Variants in SMARCC1 observed in about 807,000 individuals in gnomAD.
The protein encoded by SMARCC1 is SWI/SNF related BAF chromatin remodeling complex subunit C1.
A neutral mutation model predicts 147.4 loss-of-function variants in SMARCC1; 43 were observed. The observed-to-expected ratio is 0.29, with a 90% CI of 0.23 to 0.38. The LOEUF (loss-of-function observed/expected upper bound fraction) is 0.38, where lower values mean the gene tolerates loss of function less well. SMARCC1 is among the 10% of genes least tolerant of loss of function. The pLI is 1.00. For missense variants in SMARCC1, 1,119 were observed against 1,381.1 expected, an observed-to-expected ratio of 0.81 and a Z score of 3.01; for synonymous variants, 495 against 484.4, an observed-to-expected ratio of 1.02 and a Z score of -0.29.
At chr3:47,748,101 G>GATC (rs771250581) in intron 2 of SMARCC1, among the ~76,000 whole-genome samples, 1 of 152,028 alleles carries the variant, frequency 6.6e-6, no homozygotes, top group South Asian at 2.1e-4. Context: ...AGGTTGCCAA[G>GATC]ATCACACCAC....
intron 19 of SMARCC1, among the ~76,000 whole-genome samples, chr3:47,665,920 A>C (rs957911887): frequency 1.3e-5 from 2 of 151,896 alleles, no homozygotes; most frequent in Non-Finnish European, 2.9e-5. Context: ...CCTGGCCTCA[A>C]GCAATCCTTC....
At chr3:47,610,477 A>G in intron 25 of SMARCC1, 150 bp from the exon 26 acceptor site, 1 of 762,388 alleles carries the variant, frequency 1.3e-6, no homozygotes, top group East Asian at 2.5e-5. Flanking sequence ...CAGTGAGAAC[A>G]AAGGCATTAT....
intron 6 of SMARCC1, among the ~76,000 whole-genome samples, chr3:47,728,515 T>C (rs1047622177): frequency 6.6e-6 from 1 of 152,218 alleles, no homozygotes; most frequent in African/African-American, 2.4e-5. Flanking sequence ...TTCTAATTTC[T>C]TGAGAAAGAT....
rs2032697268 is a variant in SMARCC1, at chr3:47,619,530, A to AGGGC, written c.2781+2673_2781+2676dup. Among the ~76,000 whole-genome samples the AGGGC allele has an allele frequency of 2.0e-5, 3 of 152,350 alleles. No individual in the cohort carries two copies. In the South Asian group the frequency reaches 6.2e-4, roughly 32 times the overall value. ...AGGAGGTAGGCAAAAAGTGGGGCAA[A>AGGGC]GGGCCTTCTTGGCCAGAGAAGCAGG... On this transcript the variant is annotated intron_variant, in intron 25 of 27. Coordinates refer to ENST00000254480, the MANE Select transcript of SMARCC1 (RefSeq NM_003074.4).
chr3:47,669,074 A>T (rs182764843), intron 19 of SMARCC1, among the ~76,000 whole-genome samples: 13 of 152,328 alleles, frequency 8.5e-5, no homozygotes, highest in Admixed American at 7.2e-4. Flanking sequence ...GTTAGTGGTA[A>T]ACACTGATGT....
chr3:47,681,962 C>T (rs1217999706), intron 14 of SMARCC1, among the ~76,000 whole-genome samples: 2 of 152,108 alleles, frequency 1.3e-5, no homozygotes, highest in Admixed American at 1.3e-4. Flanking sequence ...CAAAGATGAT[C>T]AGGCAAATGA....
At chr3:47,688,784 T>A (rs1208747409) in intron 13 of SMARCC1, among the ~76,000 whole-genome samples, 1 of 152,050 alleles carries the variant, frequency 6.6e-6, no homozygotes, top group Non-Finnish European at 1.5e-5. Flanking sequence ...TCGGATAACA[T>A]CTGAAATACT....
intron 21 of SMARCC1, among the ~76,000 whole-genome samples, chr3:47,643,499 C>G (rs1392392312): frequency 6.6e-6 from 1 of 151,256 alleles, no homozygotes; most frequent in East Asian, 1.9e-4. Flanking sequence ...ATGAATAAAT[C>G]TTAAAAACAT....
At chr3:47,696,545 A>G (rs2033855140) in intron 11 of SMARCC1, among the ~76,000 whole-genome samples, 1 of 150,440 alleles carries the variant, frequency 6.6e-6, no homozygotes, top group Non-Finnish European at 1.5e-5. Context: ...TTTGAAACAG[A>G]GCTTCACTCA....
chr3:47,650,095 T>A (rs913761019), intron 21 of SMARCC1, among the ~76,000 whole-genome samples: 2 of 151,388 alleles, frequency 1.3e-5, no homozygotes, highest in Non-Finnish European at 2.9e-5. Context: ...GCTAACACGG[T>A]GAAGCCCTGT....
intron 19 of SMARCC1, among the ~76,000 whole-genome samples, chr3:47,669,885 G>A (rs918258843): frequency 1.3e-5 from 2 of 152,162 alleles, no homozygotes; most frequent in Non-Finnish European, 2.9e-5. Flanking sequence ...GAACCCAGAG[G>A]GCACCAGGCT....
chr3:47,659,376 A>G (rs1238389775), intron 21 of SMARCC1, among the ~76,000 whole-genome samples: 1 of 151,982 alleles, frequency 6.6e-6, no homozygotes, highest in Non-Finnish European at 1.5e-5. Context: ...TATCATAGGA[A>G]AAGAAAACTA....
intron 24 of SMARCC1, among the ~76,000 whole-genome samples, chr3:47,632,038 T>C (rs1393398120): frequency 6.6e-6 from 1 of 152,056 alleles, no homozygotes; most frequent in East Asian, 1.9e-4. Context: ...TCCTAGTAAA[T>C]AGAAGGAAGA....
chr3:47,650,826 T>C (rs1028518335), intron 21 of SMARCC1, among the ~76,000 whole-genome samples: 1 of 148,790 alleles, frequency 6.7e-6, no homozygotes, highest in South Asian at 2.2e-4. Context: ...TAAAAAAAAA[T>C]AAAAATAAAT....
At chr3:47,726,284 A>G (rs893682989) in intron 6 of SMARCC1, among the ~76,000 whole-genome samples, 6 of 151,612 alleles carry the variant, frequency 4.0e-5, no homozygotes, top group African/African-American at 1.5e-4. Context: ...AAGAGAGAAC[A>G]TGGCCCAGTC....
chr3:47,630,202 G>C (rs2032868895), intron 24 of SMARCC1, among the ~76,000 whole-genome samples: 1 of 151,790 alleles, frequency 6.6e-6, no homozygotes, highest in African/African-American at 2.4e-5. Context: ...GTGGTTTCAG[G>C]ATGAAACTGT....
intron 26 of SMARCC1, chr3:47,604,413 C>A (rs540693576): frequency 5.0e-6 from 2 of 403,764 alleles, no homozygotes; most frequent in Non-Finnish European, 9.8e-6. Flanking sequence ...AGACAGCCAA[C>A]TGACCCAGAT....
chr3:47,762,581 T>C (rs905043458), intron 2 of SMARCC1, among the ~76,000 whole-genome samples: 5 of 152,258 alleles, frequency 3.3e-5, no homozygotes, highest in Non-Finnish European at 5.9e-5. Context: ...TCAACGTATT[T>C]ACAGGTGTTC....
At chr3:47,616,450 AT>A (rs943647459) in intron 25 of SMARCC1, among the ~76,000 whole-genome samples, 52 of 146,350 alleles carry the variant, frequency 3.6e-4, no homozygotes, top group Admixed American at 2.2e-3. Flanking sequence ...AACAAATTCG[AT>A]TTTTTTTTTT....
Sources: gnomAD v4.1 joint callset for allele counts (sites outside exome capture counted in the v4.1 genomes callset) on GRCh38, gnomAD v4.1.1 for gene constraint, MANE v1.5 for transcripts, NCBI Gene and HGNC (gene_info 2026-07-23, HGNC 2026-07-21) for gene names.